CADM2: variants seen among roughly 807,000 people sequenced by gnomAD.
CADM2 encodes the protein cell adhesion molecule 2.
In CADM2, 12 loss-of-function variants were observed where a neutral mutation model predicts 49.8. The ratio of observed to expected loss-of-function variants is 0.24; its 90% CI spans 0.15 to 0.39. The LOEUF (loss-of-function observed/expected upper bound fraction) is 0.39, where lower values mean the gene tolerates loss of function less well. Among genes scored for constraint, CADM2 ranks in the 10% least tolerant of loss-of-function variants. The probability of loss-of-function intolerance (pLI) is 1.00; values close to 1 mark genes in which losing one functional copy is unlikely to be tolerated. For synonymous variants in CADM2, 214 were observed against 175.4 expected, an observed-to-expected ratio of 1.22 and a Z score of -1.74; for missense variants, 378 against 492.3, an observed-to-expected ratio of 0.77 and a Z score of 2.20.
chr3:85,993,926 T>C (rs1729070984), intron 8 of CADM2: 1 of 152,148 alleles, frequency 6.6e-6, no homozygotes, highest in African/African-American at 2.4e-5. Context: ...AGATATAGTA[T>C]ATTTATTAAA....
At chr3:84,990,881 T>G (rs934606428) in intron 1 of CADM2, among the ~76,000 whole-genome samples, 2 of 152,124 alleles carry the variant, frequency 1.3e-5, no homozygotes, top group African/African-American at 4.8e-5. Context: ...GCATCTAACA[T>G]CATATTGATT....
At chr3:84,994,435 A>G (rs896546470) in intron 1 of CADM2, among the ~76,000 whole-genome samples, 4 of 152,186 alleles carry the variant, frequency 2.6e-5, no homozygotes, top group Non-Finnish European at 5.9e-5. Flanking sequence ...AGCATGATTT[A>G]TATGTGATCA....
chr3:85,364,865 CCTACAA>C (rs770618674), intron 1 of CADM2, among the ~76,000 whole-genome samples: 41 of 89,052 alleles, frequency 4.6e-4, no homozygotes, highest in African/African-American at 1.1e-3. Flanking sequence ...TATGCTTGTT[CCTACAA>C]CAACAACAAC....
intron 3 of CADM2, among the ~76,000 whole-genome samples, chr3:85,843,504 A>G (rs910539933): frequency 1.3e-5 from 2 of 151,932 alleles, no homozygotes; most frequent in South Asian, 2.1e-4. Context: ...TTTGTCTTAT[A>G]TTTTTTATTT....
intron 1 of CADM2, among the ~76,000 whole-genome samples, chr3:85,287,650 A>G (rs900795802): frequency 2.0e-5 from 3 of 152,106 alleles, no homozygotes; most frequent in African/African-American, 7.2e-5. Context: ...ATGTTTCTGG[A>G]TATTTGTCAT....
chr3:85,535,179 C>T (rs1471574833), intron 1 of CADM2, among the ~76,000 whole-genome samples: 1 of 152,044 alleles, frequency 6.6e-6, no homozygotes, highest in Non-Finnish European at 1.5e-5. Context: ...TAATTTCTTA[C>T]CTTATTTAAA....
intron 1 of CADM2, among the ~76,000 whole-genome samples, chr3:85,084,211 T>C (rs569883246): frequency 2.6e-5 from 4 of 152,324 alleles, no homozygotes; most frequent in South Asian, 4.1e-4. Flanking sequence ...CCATTTACAC[T>C]GCAAAATAAT....
At chr3:85,415,427 A>AAAT (rs1258352960) in intron 1 of CADM2, among the ~76,000 whole-genome samples, 1 of 145,744 alleles carries the variant, frequency 6.9e-6, no homozygotes, top group Admixed American at 6.7e-5. Flanking sequence ...GCCAAAAAAA[A>AAAT]AAAACTAGCC....
At chr3:85,904,921 G>A (rs943420084) in intron 5 of CADM2, among the ~76,000 whole-genome samples, 3 of 152,022 alleles carry the variant, frequency 2.0e-5, no homozygotes, top group African/African-American at 7.2e-5. Flanking sequence ...CTCTATAGGA[G>A]ATGAAACTAT....
chr3:86,057,979 A>C (rs568329887), intron 8 of CADM2, among the ~76,000 whole-genome samples: 3 of 152,318 alleles, frequency 2.0e-5, no homozygotes, highest in East Asian at 3.9e-4. Flanking sequence ...GATTATTTCA[A>C]AACTAGTTTA....
intron 3 of CADM2, among the ~76,000 whole-genome samples, chr3:85,849,674 G>C (rs1038842578): frequency 1.3e-5 from 2 of 152,074 alleles, no homozygotes; most frequent in African/African-American, 4.8e-5. Context: ...AGCCACGCCT[G>C]GTGTTTAGCA....
At chr3:85,349,170 C>A (rs2107229851) in intron 1 of CADM2, among the ~76,000 whole-genome samples, 1 of 152,258 alleles carries the variant, frequency 6.6e-6, no homozygotes, top group South Asian at 2.1e-4. Context: ...TTCAATTGCT[C>A]TCATAAGAGT....
At chr3:85,426,953 T>A (rs1022211080) in intron 1 of CADM2, among the ~76,000 whole-genome samples, 31 of 151,846 alleles carry the variant, frequency 2.0e-4, no homozygotes, top group African/African-American at 7.0e-4. Flanking sequence ...TGATCTTGGC[T>A]CACTCTAAAC....
At chr3:85,171,862 C>T (rs369732349) in intron 1 of CADM2, among the ~76,000 whole-genome samples, 9 of 152,226 alleles carry the variant, frequency 5.9e-5, no homozygotes, top group South Asian at 4.1e-4. Context: ...GAAGCTGTTG[C>T]TTATATACAT....
intron 1 of CADM2, among the ~76,000 whole-genome samples, chr3:85,065,220 TA>T (rs2036482156): frequency 6.6e-6 from 1 of 152,128 alleles, no homozygotes. Context: ...TTAGTTTAGC[TA>T]TTTTAAATTT....
intron 1 of CADM2, among the ~76,000 whole-genome samples, chr3:85,014,217 A>C (rs1365503938): frequency 6.7e-6 from 1 of 149,532 alleles, no homozygotes; most frequent in Admixed American, 6.7e-5. Context: ...AATAATGTAT[A>C]TCATATATAC....
chr3:85,585,647 T>C (rs1046945037), intron 1 of CADM2, among the ~76,000 whole-genome samples: 1 of 152,084 alleles, frequency 6.6e-6, no homozygotes, highest in Non-Finnish European at 1.5e-5. Context: ...GGGGATCTAC[T>C]GTAACAATTT....
chr3:86,044,744 A>T (rs1392516088), intron 8 of CADM2, among the ~76,000 whole-genome samples: 1 of 152,234 alleles, frequency 6.6e-6, no homozygotes, highest in Non-Finnish European at 1.5e-5. Flanking sequence ...ACATGCTGCT[A>T]TAAAGACACA....
intron 1 of CADM2, among the ~76,000 whole-genome samples, chr3:85,541,910 G>A (rs2107046507): frequency 6.6e-6 from 1 of 151,110 alleles, no homozygotes; most frequent in Non-Finnish European, 1.5e-5. Flanking sequence ...ACGACATGGA[G>A]TATACACTGT....
Sources: gnomAD v4.1 joint callset for allele counts (sites outside exome capture counted in the v4.1 genomes callset) on GRCh38, gnomAD v4.1.1 for gene constraint, MANE v1.5 for transcripts, NCBI Gene and HGNC (gene_info 2026-07-23, HGNC 2026-07-21) for gene names.